NOMO2: variants seen among roughly 807,000 people sequenced by gnomAD.
NOMO2 encodes BOS complex subunit NOMO2.
NOMO2 carries 14 observed loss-of-function variants against 67.1 expected under a neutral mutation model. That is an observed-to-expected ratio of 0.21 (90% CI 0.14 to 0.33). The LOEUF (loss-of-function observed/expected upper bound fraction) is 0.33. Among genes scored for constraint, NOMO2 ranks in the 10% least tolerant of loss-of-function variants. The pLI is 1.00. For missense variants in NOMO2, 178 were observed against 761.0 expected, an observed-to-expected ratio of 0.23 and a Z score of 9.01; for synonymous variants, 80 against 305.9, an observed-to-expected ratio of 0.26 and a Z score of 7.71.
At chr16:18,557,513 G>C (rs1439787604) in intron 2 of NOMO2, among the ~76,000 whole-genome samples, 189 bp downstream of exon 2, 1 of 151,940 alleles carries the variant, frequency 6.6e-6, no homozygotes, top group East Asian at 1.9e-4. Flanking sequence ...TAAACACAGA[G>C]AGAGCCACTG....
chr16:18,543,873 CTATAA>C, intron 6 of NOMO2, 104 bp from the exon 7 acceptor site: 3 of 941,568 alleles, frequency 3.2e-6, no homozygotes, highest in Non-Finnish European at 4.8e-6. Flanking sequence ...GAAACGTAAT[CTATAA>C]AATTGCTTAT....
At chr16:18,528,641 T>G (rs1901205809) in intron 15 of NOMO2, among the ~76,000 whole-genome samples, 1 of 151,730 alleles carries the variant, frequency 6.6e-6, no homozygotes, top group South Asian at 2.1e-4. Flanking sequence ...TTACAGCTTC[T>G]TCCCCTGCGC....
Position 18,550,427 on chromosome 16 carries a change from T to C in NOMO2, c.403-800A>G, listed in dbSNP as rs1901757051. On this transcript the variant is annotated intron_variant, in intron 4 of 30. Coordinates refer to ENST00000622306, the MANE Select transcript of NOMO2 (RefSeq NM_173614.4). ...AGATTCACCATTATTTTGCAAACCA[T>C]CGATAAAGAAAAAACTACCCAAGAT... Among the ~76,000 whole-genome samples, 4 of 150,166 alleles carry C rather than the reference T, an allele frequency of 2.7e-5. No homozygotes were observed. In the South Asian group the frequency reaches 8.6e-4, roughly 32 times the overall value.
chr16:18,525,032 G>A (rs1342564454), intron 16 of NOMO2, among the ~76,000 whole-genome samples: 5 of 148,386 alleles, frequency 3.4e-5, no homozygotes, highest in East Asian at 2.0e-4. Context: ...AGGACACTCC[G>A]AGTAGGGGTA....
chr16:18,556,873 C>A (rs1901917149), intron 2 of NOMO2, among the ~76,000 whole-genome samples: 1 of 152,006 alleles, frequency 6.6e-6, no homozygotes, highest in Admixed American at 6.6e-5. Context: ...CACCTGTAAT[C>A]CCAGCACTTT....
intron 2 of NOMO2, among the ~76,000 whole-genome samples, chr16:18,555,661 T>A (rs1901887568): frequency 6.8e-6 from 1 of 147,642 alleles, no homozygotes; most frequent in Non-Finnish European, 1.5e-5. Context: ...CAGGCTGGAG[T>A]GAAGTGGTGC....
In NOMO2 at chr16:18,555,443, G is replaced by A. The variant is rs1236918968; in HGVS notation, c.256-591C>T. 2.0e-5 allele frequency among the ~76,000 whole-genome samples: 3 copies of A among 147,230 alleles called. No homozygotes were observed. In the East Asian group the frequency reaches 6.3e-4, roughly 31 times the overall value. On this transcript the variant is annotated intron_variant, in intron 2 of 30. Coordinates refer to ENST00000622306, the MANE Select transcript of NOMO2 (RefSeq NM_173614.4). ...TTAGCTACTTAGGAGGAAGAGGCAGGAAGATCACTTGAGCCCAGGAGGTCA... is the reference window on the plus strand; with the variant it reads ...TTAGCTACTTAGGAGGAAGAGGCAGAAAGATCACTTGAGCCCAGGAGGTCA...
At chr16:18,528,649 C>T (rs1167394581) in intron 15 of NOMO2, among the ~76,000 whole-genome samples, 5 of 151,738 alleles carry the variant, frequency 3.3e-5, no homozygotes, top group South Asian at 2.1e-4. Flanking sequence ...TCTTCCCCTG[C>T]GCTGGAACAA....
intron 2 of NOMO2, among the ~76,000 whole-genome samples, chr16:18,556,558 C>T (rs1011408045): frequency 7.7e-4 from 117 of 151,348 alleles, no homozygotes; most frequent in Admixed American, 1.6e-3. Flanking sequence ...AAAAATGAAA[C>T]TGCAGAATAA....
intron 11 of NOMO2, among the ~76,000 whole-genome samples, chr16:18,535,308 C>T (rs974757597): frequency 2.0e-5 from 3 of 151,368 alleles, no homozygotes; most frequent in Non-Finnish European, 4.4e-5. Context: ...CGGAGTAAGA[C>T]CCTGTCTCAA....
rs1205385817 is a variant in NOMO2, at chr16:18,555,411, TAC to T, written c.256-561_256-560del. Among the ~76,000 whole-genome samples the T allele has an allele frequency of 2.1e-5, 3 of 145,888 alleles. No individual in the cohort carries two copies. The East Asian group carries it at 6.3e-4, about 31-fold the overall frequency. On this transcript the variant is annotated intron_variant, in intron 2 of 30. Transcript: ENST00000622306. ...TCAGCTGGGTGTGGTGGCAGGCGCC[TAC>T]AGTCTTAGCTACTTAGGAGGAAGAG... is the stretch of plus-strand genomic sequence containing the variant.
intron 11 of NOMO2, among the ~76,000 whole-genome samples, chr16:18,535,222 C>A (rs967396210): frequency 1.4e-5 from 2 of 146,978 alleles, no homozygotes; most frequent in Non-Finnish European, 3.0e-5. Flanking sequence ...GAGGCTGGGG[C>A]AGGAGAATCA....
chr16:18,556,577 G>A (rs1251028065), intron 2 of NOMO2, among the ~76,000 whole-genome samples: 3 of 151,610 alleles, frequency 2.0e-5, no homozygotes, highest in Non-Finnish European at 4.4e-5. Context: ...AAATCCTATT[G>A]TTTGATTTCA....
At chr16:18,561,230 T>C (rs994302394) in intron 1 of NOMO2, among the ~76,000 whole-genome samples, 2 of 130,784 alleles carry the variant, frequency 1.5e-5, no homozygotes, top group Non-Finnish European at 3.1e-5. Flanking sequence ...TCTAGGGTAA[T>C]TCCATTAACT....
chr16:18,539,810 G>A (rs1201992872), intron 9 of NOMO2, among the ~76,000 whole-genome samples: 1 of 151,978 alleles, frequency 6.6e-6, no homozygotes, highest in Non-Finnish European at 1.5e-5. Flanking sequence ...CTCACACGTG[G>A]TCCCATGCTC....
chr16:18,527,571 G>A lies in NOMO2; in HGVS notation c.1860C>T (p.Ser620=). The change falls in exon 16 of 31, where the codon TCC becomes TCT. Residue 620 remains serine (S), a synonymous_variant. Coordinates refer to ENST00000622306, the MANE Select transcript of NOMO2 (RefSeq NM_173614.4). ...GRENVGIYNL[S]KGVNRFCLSK... ...ACAGGCAGAATCGGTTGACTCCTTT[G>A]GAGAGGTTATAAATCCCCACATTCT... The A allele has an allele frequency of 1.5e-6, 1 of 646,752 alleles. No individual in the cohort carries two copies. Among genetic ancestry groups the A allele is most frequent in the South Asian group, 1.9e-5 (1 of 52,342 alleles). 40.1% of individuals were successfully genotyped at this position (646,752 alleles called of 1,614,324 possible). A position where few individuals can be genotyped will look rare whatever the true frequency, so the allele number is the denominator to read the frequency against.
At chr16:18,528,254 G>A (rs1181948828) in intron 15 of NOMO2, among the ~76,000 whole-genome samples, 3 of 146,770 alleles carry the variant, frequency 2.0e-5, no homozygotes, top group African/African-American at 7.5e-5. Context: ...AAGGGGTTAA[G>A]GAAGTGTCAA....
Position 18,533,106 on chromosome 16 carries a change from C to T in NOMO2, c.1294G>A (p.Val432Ile). 4 of 1,611,226 alleles carry T rather than the reference C, an allele frequency of 2.5e-6. No individual in the cohort carries two copies. Among genetic ancestry groups the T allele is most frequent in the Non-Finnish European group, 3.4e-6 (4 of 1,179,682 alleles). ...TVKQMNKYKVVLSSQDKDKSL... is the reference protein window; with the variant it reads ...TVKQMNKYKVILSSQDKDKSL... ...TTGTCCTTGTCTTGAGATGACAGGA[C>T]AACTTTGTATTTATTCATCTGCTTG... is the stretch of plus-strand genomic sequence containing the variant. The change falls in exon 12 of 31, where the codon GTC (valine) becomes ATC (isoleucine). Residue 432 changes from valine to isoleucine, a missense_variant. By Grantham distance (29) the Val-to-Ile change is conservative. Transcript: ENST00000622306.
intron 1 of NOMO2, among the ~76,000 whole-genome samples, chr16:18,561,031 C>A (rs1192853471): frequency 6.6e-6 from 1 of 151,042 alleles, no homozygotes; most frequent in Admixed American, 6.6e-5. Flanking sequence ...GAGGCCCAGG[C>A]CTTGCTCTGG....
Sources: gnomAD v4.1 joint callset for allele counts (sites outside exome capture counted in the v4.1 genomes callset) on GRCh38, gnomAD v4.1.1 for gene constraint, MANE v1.5 for transcripts, NCBI Gene and HGNC (gene_info 2026-07-23, HGNC 2026-07-21) for gene names.